Variants in PIGG observed in about 807,000 individuals in gnomAD.
PIGG encodes GPI ethanolamine phosphate transferase 2, catalytic subunit.
Under a neutral mutation model 83.2 loss-of-function variants are expected in PIGG, and 70 were observed. That is an observed-to-expected ratio of 0.84 (90% CI 0.69 to 1.03). PIGG has a LOEUF of 1.03. Ranked by LOEUF, PIGG falls within the 50% of genes least tolerant of loss-of-function variation. PIGG has a pLI of 0.00. For missense variants in PIGG, 1,257 were observed against 1,233.6 expected, an observed-to-expected ratio of 1.02 and a Z score of -0.28; for synonymous variants, 532 against 519.5, an observed-to-expected ratio of 1.02 and a Z score of -0.33.
intron 8 of PIGG, among the ~76,000 whole-genome samples, chr4:523,130 C>T (rs1397828153): frequency 6.6e-6 from 1 of 152,158 alleles, no homozygotes; most frequent in Admixed American, 6.5e-5. Flanking sequence ...CTGGGCTGCA[C>T]CACTGCCCAG....
chr4:506,959 T>C, intron 3 of PIGG: 1 of 357,250 alleles, frequency 2.8e-6, no homozygotes, highest in Non-Finnish European at 5.9e-6. Flanking sequence ...TCACCTTCAG[T>C]TATGCCCATT....
At chr4:506,619 C>T in intron 3 of PIGG, 1 of 355,430 alleles carries the variant, frequency 2.8e-6, no homozygotes, top group South Asian at 2.0e-5. Flanking sequence ...TATATGGCAT[C>T]ACTGAGAAAC....
chr4:515,271 G>C lies in PIGG; in HGVS notation c.902-702G>C, dbSNP rs1723444255. Among the ~76,000 whole-genome samples the C allele has an allele frequency of 6.6e-6, 1 of 152,248 alleles. No homozygotes were observed. The highest frequency in any genetic ancestry group is 2.4e-5 in the African/African-American group (1 of 41,462). ...GATGAAAACACTTCGACCAAGTTGA[G>C]TTTCTGCTCCGAAATCATAGTGGAT... On this transcript the variant is annotated intron_variant, in intron 5 of 12. Transcript: ENST00000453061. This position sits in a 1 kb window ranked among gnomAD's most constrained non-coding sequence, Gnocchi z 4.2.
chr4:506,940 C>T (rs1719937897), intron 3 of PIGG: 1 of 364,246 alleles, frequency 2.7e-6, no homozygotes, highest in Non-Finnish European at 5.8e-6. Context: ...ATTTAACTTG[C>T]CCATTTGCTC....
chr4:529,351 T>G (rs1247237404), intron 10 of PIGG, among the ~76,000 whole-genome samples: 1 of 151,976 alleles, frequency 6.6e-6, no homozygotes, highest in East Asian at 1.9e-4. Context: ...GCCAGGTACC[T>G]GACCCCAGCT....
chr4:520,195 C>T (rs2108929137), intron 6 of PIGG, among the ~76,000 whole-genome samples: 1 of 152,380 alleles, frequency 6.6e-6, no homozygotes, highest in South Asian at 2.1e-4. Context: ...AGCTGAGACC[C>T]TTCTTGGCAT....
In PIGG at chr4:499,375, G is replaced by A. The variant is rs782737304; in HGVS notation, c.40G>A (p.Ala14Thr). The change falls in exon 1 of 13, where the codon GCG (alanine) becomes ACG (threonine). Residue 14 changes from alanine (A) to threonine (T), a missense_variant. Transcript: ENST00000453061. ...GSGTFATCCVAIEVLGIAVFL... is the reference protein window; with the variant it reads ...GSGTFATCCVTIEVLGIAVFL... ...CGGGACTTTCGCTACCTGTTGCGTA[G>A]CGATCGAGGTGCTAGGGATCGCGGT... The A allele has an allele frequency of 6.2e-6, 10 of 1,610,128 alleles. 1 individual carries two copies. The South Asian group carries it at 1.1e-4, about 18-fold the overall frequency.
At chr4:527,391 A>G in intron 10 of PIGG, 161 bp downstream of exon 10, 2 of 1,390,692 alleles carry the variant, frequency 1.4e-6, no homozygotes, top group East Asian at 2.8e-5. Flanking sequence ...GATTGTGTCA[A>G]CAGCTACTGG....
intron 2 of PIGG, among the ~76,000 whole-genome samples, chr4:501,329 G>A (rs1717647406): frequency 6.6e-6 from 1 of 152,246 alleles, no homozygotes. Flanking sequence ...AAAACATGCA[G>A]TTGTAAAGTG....
chr4:510,851 C>G (rs1721649830), intron 5 of PIGG, among the ~76,000 whole-genome samples: 1 of 152,076 alleles, frequency 6.6e-6, no homozygotes, highest in Non-Finnish European at 1.5e-5. Flanking sequence ...TCTTCTCTCC[C>G]TCCCCCAACC....
At chr4:507,785 T>G (rs1255122716) in intron 4 of PIGG, among the ~76,000 whole-genome samples, 192 bp downstream of exon 4, 16 of 152,234 alleles carry the variant, frequency 1.1e-4, no homozygotes, top group Admixed American at 1.0e-3. Context: ...CCAGCAGCCC[T>G]GCAGAACAGC....
rs1284722150 is a variant in PIGG at position 515,805 on chromosome 4, A to G, written c.902-168A>G. On this transcript the variant is annotated intron_variant, in intron 5 of 12. Transcript: ENST00000453061. The surrounding 1 kb of genome is among the most constrained non-coding windows in gnomAD (Gnocchi z 4.2). ...TCCCTGGCATAGAATGGGTTCGGTAACTATCAACACAGCAAGCACAGGAGG... is the reference window on the plus strand; with the variant it reads ...TCCCTGGCATAGAATGGGTTCGGTAGCTATCAACACAGCAAGCACAGGAGG... Among the ~76,000 whole-genome samples the G allele has an allele frequency of 6.6e-6, 1 of 152,254 alleles. No homozygotes were observed. The highest frequency in any genetic ancestry group is 1.9e-4 in the East Asian group (1 of 5,202).
chr4:530,858 G>T, intron 11 of PIGG, 113 bp downstream of exon 11: 1 of 739,042 alleles, frequency 1.4e-6, no homozygotes, highest in East Asian at 2.5e-5. Context: ...AGTGTGGCAT[G>T]GTGAATTACG....
At chr4:505,647 A>AAT in intron 2 of PIGG, 71 bp from the exon 3 acceptor site, 1 of 1,150,144 alleles carries the variant, frequency 8.7e-7, no homozygotes, top group Non-Finnish European at 1.3e-6. Flanking sequence ...AAAAAAAAAA[A>AAT]AATCTTCAGT....
Position 521,808 on chromosome 4 carries a change from C to T in PIGG, c.1481C>T (p.Ala494Val). 1.2e-6 allele frequency: 2 copies of T among 1,614,230 alleles called. No individual in the cohort carries two copies. The highest frequency in any genetic ancestry group is 1.7e-6 in the Non-Finnish European group (2 of 1,180,040). ...GTTCACGTCATTGTGTGCACCTCAG[C>T]TGAAAGTTCGTGCTACTTCTGTGGC... is the stretch of plus-strand genomic sequence containing the variant. The part of the protein sequence containing the change: ...SAVHVIVCTS[A>V]ESSCYFCGLS... The change falls in exon 8 of 13, where the codon GCT becomes GTT. Residue 494 changes from alanine (A) to valine (V), a missense_variant. Transcript: ENST00000453061.
At chr4:520,210 C>T (rs1401186522) in intron 6 of PIGG, among the ~76,000 whole-genome samples, 1 of 152,242 alleles carries the variant, frequency 6.6e-6, no homozygotes, top group East Asian at 1.9e-4. Context: ...TGGCATGGCT[C>T]TTCTGGAGTA....
intron 4 of PIGG, among the ~76,000 whole-genome samples, chr4:508,566 A>T (rs1720720006): frequency 6.6e-6 from 1 of 152,226 alleles, no homozygotes; most frequent in African/African-American, 2.4e-5. Context: ...GACAGAAACC[A>T]GATACAAACC....
At chr4:529,942 A>G (rs996094706) in intron 10 of PIGG, among the ~76,000 whole-genome samples, 2 of 152,196 alleles carry the variant, frequency 1.3e-5, no homozygotes, top group Non-Finnish European at 2.9e-5. Context: ...GTGCCTGTGA[A>G]TGTGCAGGTG....
At position 499,441 on chromosome 4, in the gene PIGG, G is replaced by C; in HGVS notation, c.106G>C (p.Ala36Pro). The change falls in exon 1 of 13, where the codon GCC becomes CCC. Residue 36 changes from alanine (A) to proline (P), a missense_variant. Coordinates refer to ENST00000453061, the MANE Select transcript of PIGG (RefSeq NM_001127178.3). ...GFFPAPVRSS[A>P]RAEHGAEPPA... ...CTTCCCGGCTCCCGTTCGTTCCTCT[G>C]CCAGAGCGGAACACGGAGCGGAGCC... The C allele has an allele frequency of 2.5e-6, 4 of 1,605,718 alleles. No homozygotes were observed. The South Asian group carries it at 4.4e-5, about 18-fold the overall frequency.
Sources: gnomAD v4.1 joint callset for allele counts (sites outside exome capture counted in the v4.1 genomes callset) on GRCh38, gnomAD v4.1.1 for gene constraint, Gnocchi (gnomAD v3.1) non-coding constraint, MANE v1.5 for transcripts, NCBI Gene and HGNC (gene_info 2026-07-23, HGNC 2026-07-21) for gene names.